Variants in CACNA1D observed in about 807,000 individuals in gnomAD.
The protein encoded by CACNA1D is voltage-dependent L-type calcium channel subunit alpha-1D.
Under a neutral mutation model 257.1 loss-of-function variants are expected in CACNA1D, and 55 were observed. That is an observed-to-expected ratio of 0.21 (90% CI 0.17 to 0.27). The LOEUF is 0.27. Ranked by LOEUF, CACNA1D falls within the 10% of genes least tolerant of loss-of-function variation. CACNA1D has a pLI of 1.00. For synonymous variants in CACNA1D, 980 were observed against 1,014.9 expected (o/e 0.97, Z 0.65); for missense variants, 1,876 against 2,784.0 (o/e 0.67, Z 7.34).
intron 8 of CACNA1D, among the ~76,000 whole-genome samples, chr3:53,697,712 G>T (rs1268585198): frequency 6.6e-6 from 1 of 152,064 alleles, no homozygotes; most frequent in Non-Finnish European, 1.5e-5. Context: ...AAGACATGTG[G>T]ACTGATTTTT....
rs111967388 is a variant in CACNA1D at position 53,598,457 on chromosome 3, T to G, written c.484-52322T>G. Among the ~76,000 whole-genome samples, 703 of 151,462 alleles carry G rather than the reference T, an allele frequency of 4.6e-3. 7 individuals carry two copies. Among genetic ancestry groups the G allele is most frequent in the African/African-American group, 0.016 (670 of 41,330 alleles). ...AAATTAGTTTGGGCATGGTGGCTCA[T>G]GCCTGAAATCCCAGCTACTCGGGAG... On this transcript the variant is annotated intron_variant, in intron 3 of 47. Coordinates refer to ENST00000350061, the MANE Select transcript of CACNA1D (RefSeq NM_001128840.3).
intron 45 of CACNA1D, among the ~76,000 whole-genome samples, chr3:53,807,282 G>C (rs2095571503): frequency 6.6e-6 from 1 of 152,240 alleles, no homozygotes. Flanking sequence ...TTGGCCCCTG[G>C]GTGGTGCGTG....
At chr3:53,771,983 A>G (rs1444585179) in intron 32 of CACNA1D, among the ~76,000 whole-genome samples, 1 of 152,216 alleles carries the variant, frequency 6.6e-6, no homozygotes, top group Non-Finnish European at 1.5e-5. Flanking sequence ...CTTTCTGACA[A>G]GCTCTCTCGG....
intron 45 of CACNA1D, among the ~76,000 whole-genome samples, chr3:53,806,086 A>C (rs1315237277): frequency 3.9e-5 from 4 of 102,796 alleles, no homozygotes; most frequent in African/African-American, 8.0e-5. Context: ...ATCTTCCCTC[A>C]TCTTCCTCCT....
Position 53,805,080 on chromosome 3 carries a change from G to A in CACNA1D, c.5683G>A (p.Asp1895Asn). 1 of 1,614,156 alleles carries A rather than the reference G, an allele frequency of 6.2e-7. No homozygotes were observed. Among genetic ancestry groups the A allele is most frequent in the Non-Finnish European group, 8.5e-7 (1 of 1,180,034 alleles). The change falls in exon 45 of 48, where the codon GAC becomes AAC. Residue 1895 changes from aspartate (D) to asparagine (N), a missense_variant. This residue lies in a region of CACNA1D where 491 missense variants were observed against 554.3 expected (regional missense o/e 0.89). Transcript: ENST00000350061. The part of the protein sequence containing the change: ...HHPQGFLEDD[D>N]SPVCYDSRRS... ...TCCCCAAGGATTCTTGGAGGACGAT[G>A]ACTCGCCCGTTTGCTATGATTCACG...
At chr3:53,726,370 G>T (rs537794437) in intron 14 of CACNA1D, among the ~76,000 whole-genome samples, 4 of 152,318 alleles carry the variant, frequency 2.6e-5, no homozygotes, top group African/African-American at 9.6e-5. Flanking sequence ...GGGTGAGGTG[G>T]CTCATGCCTG....
chr3:53,691,872 T>A (rs1328939387), intron 8 of CACNA1D, among the ~76,000 whole-genome samples: 3 of 109,354 alleles, frequency 2.7e-5, no homozygotes, highest in Non-Finnish European at 5.3e-5. Flanking sequence ...ATTATATATA[T>A]TACATATAAT....
At chr3:53,720,556 G>T (rs932352249) in intron 11 of CACNA1D, among the ~76,000 whole-genome samples, 5 of 152,212 alleles carry the variant, frequency 3.3e-5, no homozygotes, top group African/African-American at 1.2e-4. Context: ...ATAAAGGAGA[G>T]TGTCAATAAT....
At chr3:53,609,128 AG>A (rs2093550717) in intron 3 of CACNA1D, among the ~76,000 whole-genome samples, 1 of 152,166 alleles carries the variant, frequency 6.6e-6, no homozygotes, top group Non-Finnish European at 1.5e-5. Flanking sequence ...TCAAGTTATT[AG>A]GCCGGGCGCT....
chr3:53,752,042 A>C, intron 28 of CACNA1D, 135 bp downstream of exon 28: 1 of 852,702 alleles, frequency 1.2e-6, no homozygotes, highest in Non-Finnish European at 2.0e-6. Flanking sequence ...TAGGTTGGCC[A>C]GAGTTCTGTT....
chr3:53,613,504 T>G (rs2093604641), intron 3 of CACNA1D, among the ~76,000 whole-genome samples: 1 of 152,110 alleles, frequency 6.6e-6, no homozygotes, highest in African/African-American at 2.4e-5. Context: ...GCCCTCAGCA[T>G]CTGCTTCATA....
chr3:53,737,687 G>A (rs2095071970), intron 20 of CACNA1D, among the ~76,000 whole-genome samples: 1 of 152,198 alleles, frequency 6.6e-6, no homozygotes, highest in Non-Finnish European at 1.5e-5. Flanking sequence ...GCTGGGTGTG[G>A]TGGTCTGCAC....
chr3:53,743,149 T>C lies in CACNA1D; in HGVS notation c.2918+32T>C, dbSNP rs2680648. 0.23 allele frequency: 302,085 copies of C among 1,314,480 alleles called. 35,956 individuals carry two copies. The highest frequency in any genetic ancestry group is 0.29 in the Admixed American group (17,016 of 59,624). The allele number at this position is 1,314,480 out of a possible 1,614,324, so 81.4% of individuals were successfully genotyped here. On this transcript the variant is annotated intron_variant, in intron 22 of 47. Coordinates refer to ENST00000350061, the MANE Select transcript of CACNA1D (RefSeq NM_001128840.3). ...ATTCTGGGGTGTGTGCCCAGAATTG[T>C]TGGGCTGAATGGTTTATGTAAGGGA... is the stretch of plus-strand genomic sequence containing the variant.
rs2095593679 is a variant in CACNA1D at position 53,810,726 on chromosome 3, C to A, written c.6193-387C>A. Among the ~76,000 whole-genome samples, 3 of 138,560 alleles carry A rather than the reference C, an allele frequency of 2.2e-5. No individual in the cohort carries two copies. In the South Asian group the frequency reaches 6.8e-4, roughly 31 times the overall value. The allele number at this position is 138,560 out of a possible 152,430, so 90.9% of individuals were successfully genotyped here. On this transcript the variant is annotated intron_variant, in intron 47 of 47. Coordinates refer to ENST00000350061, the MANE Select transcript of CACNA1D (RefSeq NM_001128840.3). ...TGAGCCGAGATCACACCACTGCACT[C>A]CAGCCTGGGCCACAGAGCGAGACTC...
intron 3 of CACNA1D, among the ~76,000 whole-genome samples, chr3:53,532,780 A>G (rs2091990467): frequency 6.6e-6 from 1 of 152,116 alleles, no homozygotes; most frequent in Non-Finnish European, 1.5e-5. Context: ...AGGAATAGAG[A>G]GGCAGTGAGT....
intron 3 of CACNA1D, among the ~76,000 whole-genome samples, chr3:53,605,068 C>G (rs1024356752): frequency 6.6e-6 from 1 of 152,184 alleles, no homozygotes; most frequent in South Asian, 2.1e-4. Context: ...AAAAGGTAAC[C>G]TGAATCTACC....
At chr3:53,604,787 G>T (rs1021650093) in intron 3 of CACNA1D, among the ~76,000 whole-genome samples, 1 of 152,148 alleles carries the variant, frequency 6.6e-6, no homozygotes, top group African/African-American at 2.4e-5. Context: ...CCCTCTACCA[G>T]GGGTAAAGCC....
chr3:53,750,782 T>A (rs1408660340), intron 27 of CACNA1D, among the ~76,000 whole-genome samples: 1 of 152,118 alleles, frequency 6.6e-6, no homozygotes, highest in Admixed American at 6.5e-5. Context: ...TCCCAGACAC[T>A]GGGAACCTGT....
chr3:53,548,899 C>T (rs1322682556), intron 3 of CACNA1D, among the ~76,000 whole-genome samples: 2 of 152,084 alleles, frequency 1.3e-5, no homozygotes, highest in South Asian at 2.1e-4. Flanking sequence ...ATTCTCCTTG[C>T]CTGGAATACA....
Sources: gnomAD v4.1 joint callset for allele counts (sites outside exome capture counted in the v4.1 genomes callset) on GRCh38, gnomAD v4.1.1 for gene constraint, gnomAD v4.1.1 regional missense constraint, MANE v1.5 for transcripts, NCBI Gene and HGNC (gene_info 2026-07-23, HGNC 2026-07-21) for gene names.